Variants in NRG3 observed in about 807,000 individuals in gnomAD.
The protein encoded by NRG3 is neuregulin 3.
Under a neutral mutation model 66.9 loss-of-function variants are expected in NRG3, and 31 were observed. That is an observed-to-expected ratio of 0.46 (90% confidence interval 0.35 to 0.63). The LOEUF (loss-of-function observed/expected upper bound fraction) is 0.63. NRG3 is among the 20% of genes least tolerant of loss of function. NRG3 has a pLI of 0.00. For missense variants in NRG3, 910 were observed against 878.9 expected, an observed-to-expected ratio of 1.04 and a Z score of -0.45; for synonymous variants, 393 against 359.4, an observed-to-expected ratio of 1.09 and a Z score of -1.06.
chr10:82,550,298 A>G (rs984299943), intron 2 of NRG3, among the ~76,000 whole-genome samples: 1 of 152,190 alleles, frequency 6.6e-6, no homozygotes, highest in African/African-American at 2.4e-5. Flanking sequence ...ACTAATTGCT[A>G]GAATACTTCA....
At chr10:82,525,491 A>G (rs1169409396) in intron 2 of NRG3, among the ~76,000 whole-genome samples, 2 of 151,466 alleles carry the variant, frequency 1.3e-5, no homozygotes, top group African/African-American at 4.9e-5. Context: ...TTAGAAGTTC[A>G]CAAACTATGA....
intron 3 of NRG3, among the ~76,000 whole-genome samples, chr10:82,752,658 A>C (rs1591411261): frequency 6.6e-6 from 1 of 152,206 alleles, no homozygotes; most frequent in East Asian, 1.9e-4. Context: ...TTGAAACATA[A>C]TTACCAATGT....
At chr10:82,526,857 A>G (rs1590493253) in intron 2 of NRG3, among the ~76,000 whole-genome samples, 1 of 152,200 alleles carries the variant, frequency 6.6e-6, no homozygotes, top group East Asian at 1.9e-4. Context: ...AAAAACACAA[A>G]TTACTTTTAG....
intron 2 of NRG3, among the ~76,000 whole-genome samples, chr10:82,573,509 T>A (rs1210771260): frequency 6.6e-6 from 1 of 151,868 alleles, no homozygotes; most frequent in Non-Finnish European, 1.5e-5. Flanking sequence ...TTGGAACCCC[T>A]TCTCCATTTA....
At chr10:82,659,646 C>T (rs868628126) in intron 2 of NRG3, among the ~76,000 whole-genome samples, 12 of 151,978 alleles carry the variant, frequency 7.9e-5, no homozygotes, top group Admixed American at 4.6e-4. Context: ...AGCGAGACTC[C>T]GTCTCCAGCA....
At chr10:82,981,189 G>A (rs1852852040) in intron 8 of NRG3, among the ~76,000 whole-genome samples, 1 of 152,106 alleles carries the variant, frequency 6.6e-6, no homozygotes, top group Non-Finnish European at 1.5e-5. Context: ...TACATGTTCA[G>A]GCAATGCTTT....
intron 2 of NRG3, among the ~76,000 whole-genome samples, chr10:82,388,609 C>T (rs1286354715): frequency 6.6e-6 from 1 of 152,042 alleles, no homozygotes; most frequent in Non-Finnish European, 1.5e-5. Flanking sequence ...AACATCCTGG[C>T]CTCTAAATAT....
At position 82,899,630 on chromosome 10, in the gene NRG3, C is replaced by A. The variant is rs542333545; in HGVS notation, c.1054+34193C>A. Reference sequence around the variant, plus strand: ...GTAATAAAATTGTTATTCTTATAGACAAATATAATCGTTTAGGAACTAGCA... The same window carrying A: ...GTAATAAAATTGTTATTCTTATAGAAAAATATAATCGTTTAGGAACTAGCA... On this transcript the variant is annotated intron_variant, in intron 4 of 8. Coordinates refer to ENST00000372141, the MANE Select transcript of NRG3 (RefSeq NM_001010848.4). Among the ~76,000 whole-genome samples, 197 of 152,218 alleles carry A rather than the reference C, an allele frequency of 1.3e-3. 2 individuals carry two copies. Among genetic ancestry groups the A allele is most frequent in the Non-Finnish European group, 2.4e-3 (162 of 67,998 alleles).
intron 2 of NRG3, among the ~76,000 whole-genome samples, chr10:82,631,855 A>C (rs1276875190): frequency 6.6e-6 from 1 of 152,068 alleles, no homozygotes; most frequent in East Asian, 1.9e-4. Flanking sequence ...TCATCCCAGC[A>C]CTTTAAGAGG....
chr10:82,819,249 T>G (rs1306406124), intron 3 of NRG3, among the ~76,000 whole-genome samples: 2 of 152,210 alleles, frequency 1.3e-5, no homozygotes, highest in Non-Finnish European at 2.9e-5. Flanking sequence ...AAGAACTAAT[T>G]GTGAGATTTT....
intron 8 of NRG3, among the ~76,000 whole-genome samples, chr10:82,982,442 T>A (rs1460616030): frequency 6.6e-6 from 1 of 152,136 alleles, no homozygotes; most frequent in African/African-American, 2.4e-5. Flanking sequence ...TGTGGAAGCA[T>A]CATTGGCCCT....
chr10:82,401,970 T>G (rs2087134889), intron 2 of NRG3, among the ~76,000 whole-genome samples: 1 of 152,090 alleles, frequency 6.6e-6, no homozygotes. Context: ...TTATATGCAA[T>G]AAAATTAGTA....
intron 3 of NRG3, among the ~76,000 whole-genome samples, chr10:82,751,764 A>T (rs1169479678): frequency 6.6e-6 from 1 of 152,168 alleles, no homozygotes; most frequent in East Asian, 1.9e-4. Context: ...GAAGAACTAA[A>T]TTGAGAGATA....
intron 1 of NRG3, among the ~76,000 whole-genome samples, chr10:81,929,666 G>A (rs1847153129): frequency 1.3e-5 from 2 of 152,188 alleles, no homozygotes; most frequent in Admixed American, 1.3e-4. Context: ...GTTCAGGAGT[G>A]TAGTGAAGCT....
intron 1 of NRG3, among the ~76,000 whole-genome samples, chr10:82,336,059 T>C (rs2082369733): frequency 6.6e-6 from 1 of 152,104 alleles, no homozygotes; most frequent in Non-Finnish European, 1.5e-5. Context: ...TTCAGCAAAA[T>C]TGTAATTACA....
At chr10:82,966,896 A>G (rs962601100) in intron 6 of NRG3, among the ~76,000 whole-genome samples, 8 of 151,830 alleles carry the variant, frequency 5.3e-5, no homozygotes, top group African/African-American at 1.9e-4. Flanking sequence ...TTTTAACATT[A>G]TGTATCAATT....
At chr10:82,246,134 G>C (rs568104612) in intron 1 of NRG3, among the ~76,000 whole-genome samples, 1 of 151,666 alleles carries the variant, frequency 6.6e-6, no homozygotes, top group Non-Finnish European at 1.5e-5. Flanking sequence ...TGCAGTTTTC[G>C]CATGTAACTA....
intron 1 of NRG3, among the ~76,000 whole-genome samples, chr10:82,176,491 T>A (rs1382673019): frequency 1.3e-5 from 2 of 152,028 alleles, no homozygotes; most frequent in African/African-American, 2.4e-5. Context: ...CTGCTCCCTA[T>A]ATGTTTCTAT....
intron 1 of NRG3, among the ~76,000 whole-genome samples, chr10:82,337,056 C>A (rs2082427854): frequency 6.6e-6 from 1 of 152,056 alleles, no homozygotes; most frequent in South Asian, 2.1e-4. Flanking sequence ...TATTTATTTG[C>A]AGAATCTTAA....
Sources: gnomAD v4.1 joint callset for allele counts (sites outside exome capture counted in the v4.1 genomes callset) on GRCh38, gnomAD v4.1.1 for gene constraint, MANE v1.5 for transcripts, NCBI Gene and HGNC (gene_info 2026-07-23, HGNC 2026-07-21) for gene names.